GARIN6: variants seen among roughly 807,000 people sequenced by gnomAD.
The protein encoded by GARIN6 is golgi associated RAB2 interactor family member 6.
chr12:99,649,322 A>C, the GARIN6 span: 1 of 1,614,164 alleles, frequency 6.2e-7, no homozygotes, highest in East Asian at 2.2e-5. Flanking sequence ...GAGAAGGAGC[A>C]ATTCAGAATC....
At chr12:99,647,848 G>A in the GARIN6 span, 9 of 317,208 alleles carry the variant, frequency 2.8e-5, no homozygotes, top group Admixed American at 4.4e-5. Context: ...TGGAATATCA[G>A]GCTCAAATGG....
the GARIN6 span, chr12:99,648,483 C>T: frequency 4.3e-6 from 7 of 1,614,138 alleles, no homozygotes; most frequent in Non-Finnish European, 5.9e-6. Context: ...GTGGTCCTGC[C>T]ACCCAGAAAA....
the GARIN6 span, among the ~76,000 whole-genome samples, chr12:99,649,108 T>C: frequency 1.3e-5 from 2 of 152,224 alleles, no homozygotes; most frequent in Non-Finnish European, 2.9e-5. Context: ...ACACATACTA[T>C]GACCTAGGCA....
At chr12:99,649,008 G>T in the GARIN6 span, among the ~76,000 whole-genome samples, 1 of 152,142 alleles carries the variant, frequency 6.6e-6, no homozygotes, top group African/African-American at 2.4e-5. Flanking sequence ...TTTCTTAGCT[G>T]TCAGCAACTC....
the GARIN6 span, chr12:99,648,682 G>A: frequency 1.2e-6 from 2 of 1,614,162 alleles, no homozygotes; most frequent in Non-Finnish European, 1.7e-6. Flanking sequence ...GGAAAACCTT[G>A]TTTACATCCT....
At chr12:99,648,646 G>C in the GARIN6 span, 1 of 1,614,206 alleles carries the variant, frequency 6.2e-7, no homozygotes, top group East Asian at 2.2e-5. Flanking sequence ...TCCATCGGAT[G>C]CAAGTGAAGA....
At chr12:99,648,763 T>G in the GARIN6 span, 1 of 1,612,528 alleles carries the variant, frequency 6.2e-7, no homozygotes, top group Non-Finnish European at 8.5e-7. Context: ...CTCATCTGTG[T>G]TGGAGGAAGT....
At chr12:99,649,241 G>C in the GARIN6 span, 1 of 1,384,020 alleles carries the variant, frequency 7.2e-7, no homozygotes, top group East Asian at 2.3e-5. Flanking sequence ...GAAGAGAAAG[G>C]AGATCTTGCT....
chr12:99,648,454 G>A, the GARIN6 span: 19 of 1,614,046 alleles, frequency 1.2e-5, no homozygotes, highest in Non-Finnish European at 1.4e-5. Context: ...ACCAGCTGCT[G>A]TCTGTGACAA....
chr12:99,648,780 G>A, the GARIN6 span: 8 of 1,609,950 alleles, frequency 5.0e-6, no homozygotes, highest in East Asian at 2.2e-5. Flanking sequence ...AAGTGCAGAG[G>A]AGCCCAGTGG....
chr12:99,649,548 C>G, the GARIN6 span: 2 of 620,180 alleles, frequency 3.2e-6, no homozygotes, highest in South Asian at 3.9e-5. Context: ...TGGCTGCAAC[C>G]AAGTCTGCAG....
At chr12:99,649,141 T>C in the GARIN6 span, 3 of 687,790 alleles carry the variant, frequency 4.4e-6, no homozygotes, top group Non-Finnish European at 7.7e-6. Flanking sequence ...GTAGGACGTG[T>C]CTCCCTGCAA....
chr12:99,647,951 G>T, the GARIN6 span: 1 of 602,204 alleles, frequency 1.7e-6, no homozygotes, highest in Non-Finnish European at 2.8e-6. Context: ...GCACTAAGCA[G>T]GGCACAGTCT....
the GARIN6 span, chr12:99,649,445 C>A: frequency 2.0e-6 from 3 of 1,472,382 alleles, no homozygotes; most frequent in Non-Finnish European, 2.8e-6. Flanking sequence ...TTCACACACC[C>A]CTGCAGTCAT....
chr12:99,648,566 A>G, the GARIN6 span: 2 of 1,614,218 alleles, frequency 1.2e-6, no homozygotes, highest in Middle Eastern at 1.6e-4. Flanking sequence ...ATAACCATCC[A>G]CAACAGCGTA....
the GARIN6 span, chr12:99,648,833 G>A: frequency 6.4e-7 from 1 of 1,567,834 alleles, no homozygotes; most frequent in Non-Finnish European, 8.7e-7. Context: ...TGCTTTGGGG[G>A]AGAGCAGGTA....
the GARIN6 span, chr12:99,648,132 G>T: frequency 2.0e-5 from 31 of 1,582,326 alleles, no homozygotes; most frequent in Non-Finnish European, 2.7e-5. Context: ...GTTAAGGAAG[G>T]TGTGGAGCAG....
At chr12:99,648,682 G>T in the GARIN6 span, 1 of 1,614,162 alleles carries the variant, frequency 6.2e-7, no homozygotes, top group Non-Finnish European at 8.5e-7. Flanking sequence ...GGAAAACCTT[G>T]TTTACATCCT....
At chr12:99,649,288 G>C in the GARIN6 span, 1 of 1,612,436 alleles carries the variant, frequency 6.2e-7, no homozygotes, top group Non-Finnish European at 8.5e-7. Flanking sequence ...CTCTCCCTAG[G>C]GATATGCCAT....
Sources: gnomAD v4.1 joint callset for allele counts (sites outside exome capture counted in the v4.1 genomes callset) on GRCh38, gnomAD v4.1.1 for gene constraint, MANE v1.5 for transcripts, NCBI Gene and HGNC (gene_info 2026-07-23, HGNC 2026-07-21) for gene names.